The following RHNO1 variants were observed in gnomAD, a reference collection of about 807,000 sequenced individuals.
RHNO1 encodes the protein RAD9-HUS1-RAD1 interacting nuclear orphan 1.
In RHNO1, 9 loss-of-function variants were observed where a neutral mutation model predicts 7.2. The ratio of observed to expected loss-of-function variants is 1.25; its 90% confidence interval spans 0.75 to 2.18. The LOEUF (loss-of-function observed/expected upper bound fraction) is 2.18, where lower values mean the gene tolerates loss of function less well. Ranked by LOEUF, RHNO1 falls within the 30% of genes most tolerant of loss-of-function variation. The pLI is 0.00. For synonymous variants in RHNO1, 95 were observed against 107.5 expected (o/e 0.88, Z 0.72); for missense variants, 292 against 284.5 (o/e 1.03, Z -0.19).
chr12:2,883,511 A>ATATATATATATTT (rs2098161542), intron 1 of RHNO1, among the ~76,000 whole-genome samples: 11 of 26,846 alleles, frequency 4.1e-4, no homozygotes, highest in Non-Finnish European at 7.0e-4. Context: ...ATATATATAT[A>ATATATATATATTT]TTTTTTTTTT....
At chr12:2,883,511 A>ATATAT (rs2098161542) in intron 1 of RHNO1, among the ~76,000 whole-genome samples, 17 of 26,826 alleles carry the variant, frequency 6.3e-4, no homozygotes, top group African/African-American at 2.2e-3. Flanking sequence ...ATATATATAT[A>ATATAT]TTTTTTTTTT....
At position 2,889,093 on chromosome 12, in the gene RHNO1, T is replaced by A. The variant is rs2098169117; in HGVS notation, c.*634T>A. 2 of 152,156 alleles carry A rather than the reference T, an allele frequency of 1.3e-5. No individual in the cohort carries two copies. 9.4% of individuals were successfully genotyped at this position (152,156 alleles called of 1,614,324 possible). ...AACTAATTCATTCTGCATTTTTGAG[T>A]ACCAACTCTTGTCAGGCTCAGTGGC... On this transcript the variant is annotated 3_prime_UTR_variant, in exon 3 of 3. Coordinates refer to ENST00000489288, the MANE Select transcript of RHNO1 (RefSeq NM_001252499.3).
intron 2 of RHNO1, chr12:2,887,179 T>A (rs1191408770): frequency 1.5e-5 from 4 of 271,438 alleles, no homozygotes; most frequent in Non-Finnish European, 7.6e-6. Flanking sequence ...TCTGACTCTA[T>A]TAAAAATATA....
At chr12:2,877,716 A>T (rs576793341) in intron 1 of RHNO1, among the ~76,000 whole-genome samples, 31 of 152,240 alleles carry the variant, frequency 2.0e-4, no homozygotes, top group African/African-American at 7.0e-4. Flanking sequence ...AAGCCTTCGG[A>T]TATAATAGAC....
Position 2,888,432 on chromosome 12 carries a change from CAGA to C in RHNO1, c.693_695del (p.Arg231del), listed in dbSNP as rs1312096260. The C allele has an allele frequency of 6.3e-7, 1 of 1,592,578 alleles. No homozygotes were observed. Among genetic ancestry groups the C allele is most frequent in the Non-Finnish European group, 8.5e-7 (1 of 1,170,948 alleles). ...ACCTCAGGGAGAGAGGGAAGCTGAG[CAGA>C]AGCCAATTCCTTGTGAAAAGCTGAC... On this transcript the variant is annotated inframe_deletion, in exon 3 of 3. Transcript: ENST00000489288.
chr12:2,886,534 G>C (rs1327697432), intron 2 of RHNO1, among the ~76,000 whole-genome samples: 4 of 151,778 alleles, frequency 2.6e-5, no homozygotes, highest in Non-Finnish European at 4.4e-5. Flanking sequence ...GTGCGCACCT[G>C]TAGTCCCAGC....
chr12:2,885,560 C>CTTTTTTTTTTTTT lies in RHNO1; in HGVS notation c.168+26_168+27insTTTTTTTTTTTTT, dbSNP rs2098164432. 1.6e-5 allele frequency: 11 copies of CTTTTTTTTTTTTT among 690,092 alleles called. 4 individuals carry two copies. In the African/African-American group the frequency reaches 1.7e-4, roughly 10 times the overall value. The allele number at this position is 690,092 out of a possible 1,614,324, so 42.7% of individuals were successfully genotyped here. A position where few individuals can be genotyped will look rare whatever the true frequency, so the allele number is the denominator to read the frequency against. On this transcript the variant is annotated intron_variant, in intron 2 of 2. Coordinates refer to ENST00000489288, the MANE Select transcript of RHNO1 (RefSeq NM_001252499.3). ...GTAGGCCCATGGGATTACTATTTGA[C>CTTTTTTTTTTTTT]ATTTTTTTTTTTTTTTTTTTTTTTT... is the stretch of plus-strand genomic sequence containing the variant.
chr12:2,883,266 C>T (rs1216478282), intron 1 of RHNO1, among the ~76,000 whole-genome samples: 1 of 150,000 alleles, frequency 6.7e-6, no homozygotes, highest in Non-Finnish European at 1.5e-5. Context: ...GTCCCAGCTA[C>T]TTGGGAGGCT....
chr12:2,888,067 A>G lies in RHNO1; in HGVS notation c.325A>G (p.Ile109Val). The G allele has an allele frequency of 6.2e-7, 1 of 1,614,094 alleles. No individual in the cohort carries two copies. The highest frequency in any genetic ancestry group is 8.5e-7 in the Non-Finnish European group (1 of 1,180,022). ...PQSSSSETLG[I>V]PLIRECPSES... ...ATCTTCCAGTTCAGAGACATTGGGG[A>G]TCCCCTTAATCCGAGAGTGCCCCAG... Residue 109 changes from isoleucine to valine, a missense_variant, in exon 3 of 3, where the codon ATC (isoleucine) becomes GTC (valine). Transcript: ENST00000489288.
In RHNO1 at chr12:2,889,253, A is replaced by G. The variant is rs1285247456; in HGVS notation, c.*794A>G. The G allele has an allele frequency of 6.6e-6, 1 of 152,104 alleles. No homozygotes were observed. Among genetic ancestry groups the G allele is most frequent in the Non-Finnish European group, 1.5e-5 (1 of 68,044 alleles). 9.4% of individuals were successfully genotyped at this position (152,104 alleles called of 1,614,324 possible). A position where few individuals can be genotyped will look rare whatever the true frequency, so the allele number is the denominator to read the frequency against. Reference sequence around the variant, plus strand: ...CAGCAAGCCCTGTTTTAGGGACTACATAAGATGAGGGGAGATAAGGGGGAC... The same window carrying G: ...CAGCAAGCCCTGTTTTAGGGACTACGTAAGATGAGGGGAGATAAGGGGGAC... On this transcript the variant is annotated 3_prime_UTR_variant, in exon 3 of 3. Coordinates refer to ENST00000489288, the MANE Select transcript of RHNO1 (RefSeq NM_001252499.3).
At chr12:2,880,965 G>A (rs1321814837) in intron 1 of RHNO1, among the ~76,000 whole-genome samples, 1 of 152,002 alleles carries the variant, frequency 6.6e-6, no homozygotes, top group Non-Finnish European at 1.5e-5. Flanking sequence ...TAATCTTTGT[G>A]GAGAATGAGT....
At chr12:2,883,578 C>A (rs1414061685) in intron 1 of RHNO1, among the ~76,000 whole-genome samples, 2 of 131,656 alleles carry the variant, frequency 1.5e-5, no homozygotes, top group Non-Finnish European at 3.1e-5. Context: ...AGTGCAATGG[C>A]GTGATCTCTG....
chr12:2,882,506 C>G (rs1349985492), intron 1 of RHNO1, among the ~76,000 whole-genome samples: 1 of 151,708 alleles, frequency 6.6e-6, no homozygotes, highest in African/African-American at 2.4e-5. Context: ...AGTTCAAGAC[C>G]AGCCTGGCCA....
At position 2,886,947 on chromosome 12, in the gene RHNO1, A is replaced by G. The variant is rs747877313; in HGVS notation, c.169-964A>G. 11 of 455,808 alleles carry G rather than the reference A, an allele frequency of 2.4e-5. No homozygotes were observed. In the East Asian group the frequency reaches 4.2e-4, roughly 17 times the overall value. The allele number at this position is 455,808 out of a possible 1,614,324, so 28.2% of individuals were successfully genotyped here. The stretch of plus-strand genomic sequence containing the variant: ...TCACCCGCTATGCTTGGAGTTGGCT[A>G]TTCATTAACTGAGGGCCTTCTTTGT... On this transcript the variant is annotated intron_variant, in intron 2 of 2. Coordinates refer to ENST00000489288, the MANE Select transcript of RHNO1 (RefSeq NM_001252499.3).
rs1356365999 is a variant in RHNO1 at position 2,889,077 on chromosome 12, AT to A, written c.*620del. The A allele has an allele frequency of 6.6e-6, 1 of 152,138 alleles. No homozygotes were observed. The highest frequency in any genetic ancestry group is 2.4e-5 in the African/African-American group (1 of 41,428). The allele number at this position is 152,138 out of a possible 1,614,324, so 9.4% of individuals were successfully genotyped here. ...TTAATCACCTCATTCAAACTAATTC[AT>A]TCTGCATTTTTGAGTACCAACTCTT... On this transcript the variant is annotated 3_prime_UTR_variant, in exon 3 of 3. Coordinates refer to ENST00000489288, the MANE Select transcript of RHNO1 (RefSeq NM_001252499.3).
intron 2 of RHNO1, among the ~76,000 whole-genome samples, chr12:2,887,307 G>A (rs1415151427): frequency 6.6e-6 from 1 of 151,976 alleles, no homozygotes; most frequent in Non-Finnish European, 1.5e-5. Context: ...GTAAAATCCT[G>A]TCTCTACTAA....
intron 1 of RHNO1, among the ~76,000 whole-genome samples, chr12:2,884,888 C>A (rs1451933554): frequency 6.6e-6 from 1 of 152,154 alleles, no homozygotes; most frequent in Non-Finnish European, 1.5e-5. Flanking sequence ...AGGTATCTCC[C>A]TTTCCAGAAA....
chr12:2,885,751 A>C, intron 2 of RHNO1: 2 of 425,682 alleles, frequency 4.7e-6, no homozygotes, highest in Non-Finnish European at 8.5e-6. Context: ...ATTTTTTTGT[A>C]TTTTCAGTAG....
At position 2,888,528 on chromosome 12, in the gene RHNO1, G is replaced by C; in HGVS notation, c.*69G>C. 1 of 1,330,010 alleles carries C rather than the reference G, an allele frequency of 7.5e-7. No homozygotes were observed. Among genetic ancestry groups the C allele is most frequent in the Non-Finnish European group, 1.0e-6 (1 of 995,064 alleles). 82.4% of individuals were successfully genotyped at this position (1,330,010 alleles called of 1,614,324 possible). ...GTCATAAAGGAATTCAATTCCTAGG[G>C]TTTTTGTTTTTGTTTTTGAGATGTA... On this transcript the variant is annotated 3_prime_UTR_variant, in exon 3 of 3. Coordinates refer to ENST00000489288, the MANE Select transcript of RHNO1 (RefSeq NM_001252499.3).
Sources: gnomAD v4.1 joint callset for allele counts (sites outside exome capture counted in the v4.1 genomes callset) on GRCh38, gnomAD v4.1.1 for gene constraint, MANE v1.5 for transcripts, NCBI Gene and HGNC (gene_info 2026-07-23, HGNC 2026-07-21) for gene names.